Variants in RERG observed in about 807,000 individuals in gnomAD.
RERG encodes ras-related and estrogen-regulated growth inhibitor.
In RERG, 25 loss-of-function variants were observed where a neutral mutation model predicts 23.2. That is an observed-to-expected ratio of 1.08 (90% confidence interval 0.79 to 1.50). The LOEUF (loss-of-function observed/expected upper bound fraction) is 1.50. Among genes scored for constraint, RERG ranks in the 40% most tolerant of loss-of-function variants. The pLI, the probability that RERG is intolerant of heterozygous loss-of-function variation, is 0.00. For synonymous variants in RERG, 81 were observed against 89.1 expected, an observed-to-expected ratio of 0.91 and a Z score of 0.51; for missense variants, 253 against 250.1, an observed-to-expected ratio of 1.01 and a Z score of -0.08.
At chr12:15,166,760 C>T (rs568116166) in intron 2 of RERG, among the ~76,000 whole-genome samples, 16 of 150,602 alleles carry the variant, frequency 1.1e-4, no homozygotes, top group South Asian at 4.2e-4. Flanking sequence ...GCCTGACAAA[C>T]GGATGGACTA....
chr12:15,138,683 TC>T (rs1198896455), intron 2 of RERG, among the ~76,000 whole-genome samples: 1 of 152,072 alleles, frequency 6.6e-6, no homozygotes, highest in African/African-American at 2.4e-5. Context: ...TTTTAATACT[TC>T]TTTGTATACT....
intron 2 of RERG, among the ~76,000 whole-genome samples, chr12:15,135,140 G>T (rs769909150): frequency 1.3e-5 from 2 of 151,994 alleles, no homozygotes; most frequent in Non-Finnish European, 2.9e-5. Context: ...CATAGGTCTC[G>T]CACATATTGT....
At chr12:15,158,343 A>G (rs1318015909) in intron 2 of RERG, among the ~76,000 whole-genome samples, 1 of 151,906 alleles carries the variant, frequency 6.6e-6, no homozygotes, top group Non-Finnish European at 1.5e-5. Flanking sequence ...ACACAGTGTT[A>G]TGATCTTGGC....
chr12:15,202,103 A>G (rs1865225272), intron 2 of RERG, among the ~76,000 whole-genome samples: 1 of 151,736 alleles, frequency 6.6e-6, no homozygotes, highest in African/African-American at 2.4e-5. Flanking sequence ...TCTTTTTTAC[A>G]GTTTCATTGG....
At chr12:15,212,975 C>T (rs181804789) in intron 2 of RERG, among the ~76,000 whole-genome samples, 120 of 152,208 alleles carry the variant, frequency 7.9e-4, no homozygotes, top group African/African-American at 2.4e-3. Flanking sequence ...CTTTGTGCCA[C>T]GGAAAAAAAT....
intron 2 of RERG, among the ~76,000 whole-genome samples, chr12:15,125,794 G>C (rs1863926934): frequency 6.6e-6 from 1 of 151,750 alleles, no homozygotes; most frequent in African/African-American, 2.4e-5. Context: ...ATGCAGTAGT[G>C]TTATAATTAT....
intron 2 of RERG, chr12:15,151,784 C>T (rs1231642128): frequency 6.6e-6 from 1 of 152,286 alleles, no homozygotes; most frequent in East Asian, 1.9e-4. Context: ...AACAGAATTC[C>T]ACTTTTATTA....
intron 2 of RERG, among the ~76,000 whole-genome samples, chr12:15,139,333 G>C (rs7305819): frequency 6.6e-6 from 1 of 151,884 alleles, no homozygotes; most frequent in Admixed American, 6.6e-5. Context: ...ATAAATTTTA[G>C]AAACAGATTG....
chr12:15,188,982 T>C (rs1467097564), intron 2 of RERG, among the ~76,000 whole-genome samples: 1 of 152,158 alleles, frequency 6.6e-6, no homozygotes, highest in Non-Finnish European at 1.5e-5. Flanking sequence ...GTGTCCCATA[T>C]TGTCTCTTCT....
At chr12:15,154,977 C>T (rs569938691) in intron 2 of RERG, among the ~76,000 whole-genome samples, 5 of 152,154 alleles carry the variant, frequency 3.3e-5, no homozygotes, top group African/African-American at 1.2e-4. Flanking sequence ...ACACTGACAC[C>T]TCATATTGAT....
rs560967660 is a variant in RERG at position 15,194,055 on chromosome 12, T to C, written c.61+23374A>G. Among the ~76,000 whole-genome samples the C allele has an allele frequency of 1.6e-4, 24 of 152,182 alleles. 1 individual carries two copies. The highest frequency in any genetic ancestry group is 5.8e-4 in the African/African-American group (24 of 41,534). Reference sequence around the variant, plus strand: ...AAAGTAAGTACCTTTACAAGAACAATCAAAACAATGACTCATGAACTCTGT... The same window carrying C: ...AAAGTAAGTACCTTTACAAGAACAACCAAAACAATGACTCATGAACTCTGT... On this transcript the variant is annotated intron_variant, in intron 2 of 4. Coordinates refer to ENST00000256953, the MANE Select transcript of RERG (RefSeq NM_032918.3).
chr12:15,161,813 GT>G (rs1462411826), intron 2 of RERG, among the ~76,000 whole-genome samples: 1 of 152,084 alleles, frequency 6.6e-6, no homozygotes, highest in East Asian at 1.9e-4. Context: ...CATTTACCAT[GT>G]GCCAAGCACT....
At chr12:15,133,855 T>G (rs1864097472) in intron 2 of RERG, among the ~76,000 whole-genome samples, 1 of 151,756 alleles carries the variant, frequency 6.6e-6, no homozygotes. Context: ...AAATGATACA[T>G]GATGTTGAGA....
At chr12:15,143,361 C>T (rs1323635480) in intron 2 of RERG, among the ~76,000 whole-genome samples, 206 of 105,726 alleles carry the variant, frequency 1.9e-3, no homozygotes, top group Non-Finnish European at 3.7e-3. Flanking sequence ...TGTGTATGTA[C>T]ATATAATATA....
chr12:15,112,468 A>C (rs1863638146), intron 3 of RERG: 1 of 152,274 alleles, frequency 6.6e-6, no homozygotes, highest in African/African-American at 2.4e-5. Context: ...GTGGTCACCA[A>C]GCTATGTGAG....
intron 1 of RERG, among the ~76,000 whole-genome samples, chr12:15,219,029 G>A (rs1205951036): frequency 6.6e-6 from 1 of 151,854 alleles, no homozygotes; most frequent in East Asian, 1.9e-4. Context: ...TCTTTTACAC[G>A]GACTGCAGAC....
intron 2 of RERG, among the ~76,000 whole-genome samples, chr12:15,180,337 G>C (rs543228591): frequency 5.3e-5 from 8 of 152,260 alleles, no homozygotes; most frequent in African/African-American, 1.7e-4. Flanking sequence ...TCCCTGTCTT[G>C]GGTCATTCAG....
At chr12:15,185,535 C>A (rs1168613449) in intron 2 of RERG, among the ~76,000 whole-genome samples, 1 of 152,154 alleles carries the variant, frequency 6.6e-6, no homozygotes, top group East Asian at 1.9e-4. Context: ...AACACTCCAA[C>A]CTGTATGAAA....
At chr12:15,121,201 C>G (rs1863825762) in intron 2 of RERG, 82 bp from the exon 3 acceptor site, 2 of 949,654 alleles carry the variant, frequency 2.1e-6, no homozygotes, top group African/African-American at 1.6e-5. Flanking sequence ...AAGCGAAATG[C>G]TCCACACAAC....
Sources: allele counts gnomAD v4.1 joint callset (sites outside exome capture counted in the v4.1 genomes callset), GRCh38; gene constraint gnomAD v4.1.1; transcripts MANE v1.5; gene names NCBI Gene and HGNC (gene_info 2026-07-23, HGNC 2026-07-21).